Variants in CNTN5 observed in about 807,000 individuals in gnomAD.
CNTN5 encodes contactin-5.
A neutral mutation model predicts 129.1 loss-of-function variants in CNTN5; 77 were observed. The observed-to-expected ratio is 0.60, with a 90% CI of 0.50 to 0.72. The LOEUF (loss-of-function observed/expected upper bound fraction) is 0.72. Ranked by LOEUF, CNTN5 falls within the 30% of genes least tolerant of loss-of-function variation. The probability of loss-of-function intolerance (pLI) is 0.00; values close to 1 mark genes in which losing one functional copy is unlikely to be tolerated. For synonymous variants in CNTN5, 509 were observed against 465.6 expected (o/e 1.09, Z -1.20); for missense variants, 1,478 against 1,328.8 (o/e 1.11, Z -1.75).
At chr11:99,908,885 C>T (rs1316823284) in intron 6 of CNTN5, among the ~76,000 whole-genome samples, 1 of 151,970 alleles carries the variant, frequency 6.6e-6, no homozygotes, top group Admixed American at 6.6e-5. Context: ...TTTTTATAAT[C>T]CCTTTGGAGG....
At chr11:99,467,624 C>T (rs1254219231) in intron 2 of CNTN5, among the ~76,000 whole-genome samples, 1 of 152,066 alleles carries the variant, frequency 6.6e-6, no homozygotes, top group Admixed American at 6.6e-5. Context: ...TGTTACACAT[C>T]CTTTTACTAA....
intron 9 of CNTN5, among the ~76,000 whole-genome samples, chr11:100,003,129 A>G (rs1471438555): frequency 6.6e-6 from 1 of 152,176 alleles, no homozygotes. Context: ...TTTAATATCA[A>G]GAATGATTAA....
At chr11:99,342,151 A>G (rs1233795346) in intron 2 of CNTN5, among the ~76,000 whole-genome samples, 3 of 152,200 alleles carry the variant, frequency 2.0e-5, no homozygotes, top group Non-Finnish European at 4.4e-5. Context: ...ATAGTCTTAA[A>G]TATCAGAAGC....
intron 16 of CNTN5, among the ~76,000 whole-genome samples, chr11:100,242,305 T>G (rs185349669): frequency 6.6e-6 from 1 of 152,198 alleles, no homozygotes; most frequent in Non-Finnish European, 1.5e-5. Flanking sequence ...TGCCTACCTC[T>G]TCCCCATCCA....
intron 3 of CNTN5, among the ~76,000 whole-genome samples, chr11:99,686,987 C>T (rs1953820314): frequency 6.6e-6 from 1 of 152,148 alleles, no homozygotes; most frequent in Non-Finnish European, 1.5e-5. Context: ...TGCTCAGACT[C>T]TCACAGAAAC....
chr11:99,332,553 C>T (rs879663123), intron 2 of CNTN5, among the ~76,000 whole-genome samples: 4 of 151,916 alleles, frequency 2.6e-5, no homozygotes, highest in Non-Finnish European at 4.4e-5. Flanking sequence ...CATATACATA[C>T]GCCTGTTTTA....
chr11:99,928,559 G>A (rs955566592), intron 7 of CNTN5, among the ~76,000 whole-genome samples: 1 of 152,192 alleles, frequency 6.6e-6, no homozygotes, highest in African/African-American at 2.4e-5. Flanking sequence ...TGTGGGGCTT[G>A]CACCCTCCGA....
At chr11:99,864,970 A>G (rs1177624739) in intron 6 of CNTN5, among the ~76,000 whole-genome samples, 3 of 152,200 alleles carry the variant, frequency 2.0e-5, no homozygotes, top group Admixed American at 6.5e-5. Context: ...ATATAATAAA[A>G]TGCATTAAAT....
chr11:100,186,530 A>G (rs1255675812), intron 13 of CNTN5, among the ~76,000 whole-genome samples: 4 of 152,170 alleles, frequency 2.6e-5, no homozygotes, highest in Non-Finnish European at 5.9e-5. Flanking sequence ...AGACTAACAA[A>G]GCAGAGACTG....
chr11:99,400,648 C>A (rs4418772), intron 2 of CNTN5, among the ~76,000 whole-genome samples: 18,785 of 151,920 alleles, frequency 0.12, 1,257 homozygotes, highest in Non-Finnish European at 0.16. Flanking sequence ...CTTTTGAGGA[C>A]CCTCCAAACC....
chr11:100,047,301 C>G (rs575803630), intron 9 of CNTN5, among the ~76,000 whole-genome samples: 1 of 152,024 alleles, frequency 6.6e-6, no homozygotes, highest in African/African-American at 2.4e-5. Flanking sequence ...GACCAGGTCA[C>G]AGGGGTAGGG....
At chr11:99,732,149 TA>T (rs1359623387) in intron 3 of CNTN5, among the ~76,000 whole-genome samples, 1 of 152,194 alleles carries the variant, frequency 6.6e-6, no homozygotes, top group Non-Finnish European at 1.5e-5. Flanking sequence ...GCAAAGGATT[TA>T]AAAGGTTTAT....
At chr11:100,219,296 A>T (rs1173899361) in intron 15 of CNTN5, among the ~76,000 whole-genome samples, 1 of 152,236 alleles carries the variant, frequency 6.6e-6, no homozygotes. Flanking sequence ...TTTTGTAATT[A>T]GTAATATACT....
At chr11:99,679,410 C>G (rs1375536698) in intron 3 of CNTN5, among the ~76,000 whole-genome samples, 2 of 151,888 alleles carry the variant, frequency 1.3e-5, no homozygotes, top group Non-Finnish European at 2.9e-5. Context: ...TTCACTCTAC[C>G]TTTATATCAC....
At chr11:99,925,401 C>T (rs558489488) in intron 7 of CNTN5, among the ~76,000 whole-genome samples, 2 of 152,330 alleles carry the variant, frequency 1.3e-5, no homozygotes, top group Admixed American at 6.5e-5. Flanking sequence ...ATCCTGAGCA[C>T]TCAGCAAACA....
intron 1 of CNTN5, among the ~76,000 whole-genome samples, chr11:99,105,210 T>C (rs1189755513): frequency 6.6e-6 from 1 of 152,162 alleles, no homozygotes; most frequent in Admixed American, 6.5e-5. Flanking sequence ...GGGATTTGTG[T>C]AGATAACTGA....
chr11:99,272,299 T>C (rs1430319692), intron 1 of CNTN5, among the ~76,000 whole-genome samples: 1 of 117,944 alleles, frequency 8.5e-6, no homozygotes, highest in African/African-American at 3.1e-5. Flanking sequence ...GTAAGCAGTC[T>C]TTTTTTTTTT....
At chr11:100,149,772 G>A (rs1591317823) in intron 13 of CNTN5, among the ~76,000 whole-genome samples, 2 of 151,838 alleles carry the variant, frequency 1.3e-5, no homozygotes, top group African/African-American at 4.8e-5. Context: ...GCGGGTGCCT[G>A]TAGTCCCAGC....
In CNTN5 at chr11:100,356,193, A is replaced by G. The variant is rs1429154849; in HGVS notation, c.3276A>G (p.Ala1092=). Residue 1092 remains alanine (A), a synonymous_variant, in exon 25 of 25, where the codon GCA becomes GCG. Transcript: ENST00000524871. ...TSSSSVTLLL[A]LMIPSTSW Reference sequence around the variant, plus strand: ...CGTCATCAGTCACCTTGCTCTTGGCATTGATGATTCCTTCAACTTCCTGGT... The same window carrying G: ...CGTCATCAGTCACCTTGCTCTTGGCGTTGATGATTCCTTCAACTTCCTGGT... 2 of 1,609,500 alleles carry G rather than the reference A, an allele frequency of 1.2e-6. No individual in the cohort carries two copies. The highest frequency in any genetic ancestry group is 1.7e-6 in the Non-Finnish European group (2 of 1,177,530).
Sources: allele counts gnomAD v4.1 joint callset (sites outside exome capture counted in the v4.1 genomes callset), GRCh38; gene constraint gnomAD v4.1.1; transcripts MANE v1.5; gene names NCBI Gene and HGNC (gene_info 2026-07-23, HGNC 2026-07-21).